Variants in CFAP221 observed in about 807,000 individuals in gnomAD.
CFAP221 encodes the protein cilia and flagella associated protein 221, also known as cilia- and flagella-associated protein 221.
Under a neutral mutation model 113.1 loss-of-function variants are expected in CFAP221, and 97 were observed. That is an observed-to-expected ratio of 0.86 (90% CI 0.73 to 1.02). The LOEUF (loss-of-function observed/expected upper bound fraction) is 1.02, where lower values mean the gene tolerates loss of function less well. Among genes scored for constraint, CFAP221 ranks in the 50% least tolerant of loss-of-function variants. The probability of loss-of-function intolerance (pLI) is 0.00; values close to 1 mark genes in which losing one functional copy is unlikely to be tolerated. For missense variants in CFAP221, 1,025 were observed against 1,013.4 expected, an observed-to-expected ratio of 1.01 and a Z score of -0.16; for synonymous variants, 331 against 354.4, an observed-to-expected ratio of 0.93 and a Z score of 0.74.
chr2:119,610,493 T>C (rs574977575), intron 12 of CFAP221, among the ~76,000 whole-genome samples: 30 of 152,172 alleles, frequency 2.0e-4, no homozygotes, highest in African/African-American at 7.2e-4. Flanking sequence ...ATATAATAAA[T>C]CTCCCTTGCC....
chr2:119,646,869 TA>T, intron 21 of CFAP221, 88 bp from the exon 22 acceptor site: 2 of 1,208,036 alleles, frequency 1.7e-6, no homozygotes, highest in Non-Finnish European at 2.4e-6. Flanking sequence ...TCGCCAGCAG[TA>T]AAATAAAAAT....
rs371675389 is a variant in CFAP221, at chr2:119,628,294, G to GTGTGTGTGTGTGTGTGTGT, written c.1650+508_1650+509insTGTGTGTGTGTGTGTGTGT. On this transcript the variant is annotated intron_variant, in intron 16 of 23. Coordinates refer to ENST00000413369, the MANE Select transcript of CFAP221 (RefSeq NM_001271049.2). ...CTTCTCTCTCTCTCTCTCTCTGGGG[G>GTGTGTGTGTGTGTGTGTGT]GTGTGTGTGTGTGTGTGTGTGTGTG... Among the ~76,000 whole-genome samples, 129 of 137,582 alleles carry GTGTGTGTGTGTGTGTGTGT rather than the reference G, an allele frequency of 9.4e-4. 5 individuals carry two copies. Among genetic ancestry groups the GTGTGTGTGTGTGTGTGTGT allele is most frequent in the Middle Eastern group, 3.8e-3 (1 of 262 alleles). 90.3% of individuals were successfully genotyped at this position (137,582 alleles called of 152,430 possible).
intron 16 of CFAP221, among the ~76,000 whole-genome samples, chr2:119,629,333 T>C (rs993920673): frequency 2.6e-5 from 4 of 151,994 alleles, no homozygotes; most frequent in Admixed American, 1.3e-4. Context: ...GGGGACAGGA[T>C]TGGGTGGAGA....
chr2:119,644,728 A>G (rs1352904540), intron 21 of CFAP221, among the ~76,000 whole-genome samples: 2 of 152,228 alleles, frequency 1.3e-5, no homozygotes, highest in Non-Finnish European at 2.9e-5. Flanking sequence ...TATGTAATGT[A>G]TGTGCATATA....
downstream of CFAP221, among the ~76,000 whole-genome samples, chr2:119,657,164 G>A (rs533750587): frequency 7.2e-5 from 11 of 152,310 alleles, no homozygotes; most frequent in East Asian, 2.1e-3. Context: ...CATTTGGGTT[G>A]TGTTATAATA....
chr2:119,572,065 T>C (rs1682098642), intron 6 of CFAP221, among the ~76,000 whole-genome samples: 1 of 152,236 alleles, frequency 6.6e-6, no homozygotes. Flanking sequence ...AGGTCCTGAA[T>C]TGGGCTGGTA....
chr2:119,610,501 G>C (rs1211851945), intron 12 of CFAP221, among the ~76,000 whole-genome samples: 1 of 152,108 alleles, frequency 6.6e-6, no homozygotes, highest in Non-Finnish European at 1.5e-5. Flanking sequence ...AATCTCCCTT[G>C]CCATTATTCT....
At chr2:119,588,175 G>T (rs778488852) in intron 7 of CFAP221, among the ~76,000 whole-genome samples, 1 of 152,156 alleles carries the variant, frequency 6.6e-6, no homozygotes, top group Non-Finnish European at 1.5e-5. Context: ...AGGTCTTTCT[G>T]TGGGTCCCTG....
chr2:119,562,954 C>T (rs1558915524), intron 6 of CFAP221, among the ~76,000 whole-genome samples: 1 of 152,034 alleles, frequency 6.6e-6, no homozygotes, highest in Non-Finnish European at 1.5e-5. Flanking sequence ...ACTTTGAGAC[C>T]AGCCTGAACA....
chr2:119,648,532 C>T, intron 22 of CFAP221: 1 of 212,938 alleles, frequency 4.7e-6, no homozygotes, highest in Non-Finnish European at 1.1e-5. Flanking sequence ...AGAGCTCCGG[C>T]ACATTAGGAA....
chr2:119,589,271 T>A (rs17049540), intron 7 of CFAP221, among the ~76,000 whole-genome samples: 28,737 of 152,240 alleles, frequency 0.19, 2,894 homozygotes, highest in African/African-American at 0.25. Context: ...ACTTTTGAGG[T>A]TCCAGAATTC....
At chr2:119,574,934 T>C (rs1298287330) in intron 6 of CFAP221, among the ~76,000 whole-genome samples, 1 of 152,232 alleles carries the variant, frequency 6.6e-6, no homozygotes, top group Admixed American at 6.5e-5. Context: ...GCTTTGTTTT[T>C]TAAAAATGGA....
At chr2:119,599,386 T>C (rs1219476807) in intron 7 of CFAP221, among the ~76,000 whole-genome samples, 2 of 152,196 alleles carry the variant, frequency 1.3e-5, no homozygotes, top group Non-Finnish European at 2.9e-5. Context: ...TAGGTTGATA[T>C]AGGCTTTTAA....
chr2:119,645,538 C>G (rs1215588679), intron 21 of CFAP221, among the ~76,000 whole-genome samples: 2 of 151,682 alleles, frequency 1.3e-5, no homozygotes, highest in Non-Finnish European at 2.9e-5. Context: ...TATCAGCTCA[C>G]AGATGCTTTC....
At chr2:119,598,480 T>C (rs6542535) in intron 7 of CFAP221, among the ~76,000 whole-genome samples, 148,729 of 152,298 alleles carry the variant, frequency 0.98, 72,720 homozygotes, top group Non-Finnish European at 1. Flanking sequence ...CCTCTTCTCT[T>C]TGTCTCTGCT....
chr2:119,553,559 A>C (rs1680574954), intron 3 of CFAP221, among the ~76,000 whole-genome samples: 1 of 152,182 alleles, frequency 6.6e-6, no homozygotes, highest in South Asian at 2.1e-4. Context: ...GGGAGACATG[A>C]ATGAGAGAAA....
Position 119,656,649 on chromosome 2 carries a change from G to A in CFAP221, c.*179G>A, listed in dbSNP as rs1688453569. On this transcript the variant is annotated 3_prime_UTR_variant, in exon 24 of 24. Transcript: ENST00000413369. ...ATCTTATATTTAAAAATAAAATGGA[G>A]TTAGGATGATGACAGCGTTGTTAGC... is the stretch of plus-strand genomic sequence containing the variant. The A allele has an allele frequency of 2.1e-6, 1 of 468,026 alleles. No homozygotes were observed. The highest frequency in any genetic ancestry group is 3.8e-6 in the Non-Finnish European group (1 of 261,684). The allele number at this position is 468,026 out of a possible 1,614,324, so 29.0% of individuals were successfully genotyped here.
chr2:119,581,459 T>C (rs1161802656), intron 6 of CFAP221, among the ~76,000 whole-genome samples: 1 of 152,178 alleles, frequency 6.6e-6, no homozygotes, highest in African/African-American at 2.4e-5. Flanking sequence ...ATAAACTCTA[T>C]ACTGGACACA....
chr2:119,570,509 A>G (rs1037305784), intron 6 of CFAP221, among the ~76,000 whole-genome samples: 1 of 152,232 alleles, frequency 6.6e-6, no homozygotes, highest in African/African-American at 2.4e-5. Flanking sequence ...AAAAACCCAT[A>G]CCAACACCTA....
Sources: gnomAD v4.1 joint callset for allele counts (sites outside exome capture counted in the v4.1 genomes callset) on GRCh38, gnomAD v4.1.1 for gene constraint, MANE v1.5 for transcripts, NCBI Gene and HGNC (gene_info 2026-07-23, HGNC 2026-07-21) for gene names.